Variants in VPS37A observed in about 807,000 individuals in gnomAD.
The protein encoded by VPS37A is vacuolar protein sorting-associated protein 37A.
In VPS37A, 30 loss-of-function variants were observed where a neutral mutation model predicts 49.8. That is an observed-to-expected ratio of 0.60 (90% CI 0.45 to 0.82). The LOEUF is 0.82. Among genes scored for constraint, VPS37A ranks in the 40% least tolerant of loss-of-function variants. VPS37A has a pLI of 0.00. For synonymous variants in VPS37A, 195 were observed against 160.6 expected (o/e 1.21, Z -1.62); for missense variants, 593 against 464.4 (o/e 1.28, Z -2.55).
In VPS37A at chr8:17,280,189, GA is replaced by G. The variant is rs777844627; in HGVS notation, c.841+41del. On this transcript the variant is annotated intron_variant, in intron 7 of 11. Coordinates refer to ENST00000324849, the MANE Select transcript of VPS37A (RefSeq NM_152415.3). ...TCCCTCTCCTGAGCGCACATTTCCT[GA>G]AAAAAATCTCATCTTTACCTAGAAG... 1.1e-5 allele frequency: 18 copies of G among 1,608,754 alleles called. No homozygotes were observed. The African/African-American group carries it at 2.1e-4, about 19-fold the overall frequency.
intron 1 of VPS37A, among the ~76,000 whole-genome samples, chr8:17,265,529 A>T (rs902025092): frequency 2.0e-5 from 3 of 152,222 alleles, no homozygotes; most frequent in Non-Finnish European, 4.4e-5. Context: ...CCAGCTGCCG[A>T]TATTGCTTAA....
intron 9 of VPS37A, among the ~76,000 whole-genome samples, chr8:17,282,453 A>C (rs1308934320): frequency 6.6e-6 from 1 of 152,136 alleles, no homozygotes; most frequent in Non-Finnish European, 1.5e-5. Flanking sequence ...TTAGCATAAT[A>C]AAACAGATAT....
chr8:17,255,545 G>A (rs1294675619), intron 1 of VPS37A, among the ~76,000 whole-genome samples: 1 of 152,044 alleles, frequency 6.6e-6, no homozygotes, highest in Non-Finnish European at 1.5e-5. Flanking sequence ...TAAACTAAGT[G>A]ATAAATTATT....
Position 17,297,556 on chromosome 8 carries a change from C to CTATT in VPS37A, c.*2576_*2579dup, listed in dbSNP as rs79803290. On this transcript the variant is annotated 3_prime_UTR_variant, in exon 12 of 12. Transcript: ENST00000324849. Reference sequence around the variant, plus strand: ...GCTGGGTCATGGTCAAAATTCTTACCTATTTATTTCATATCAACTTTAAAA... The same window carrying CTATT: ...GCTGGGTCATGGTCAAAATTCTTACCTATTTATTTATTTCATATCAACTTTAAAA... The CTATT allele has an allele frequency of 7.9e-5, 12 of 151,690 alleles. No homozygotes were observed. Among genetic ancestry groups the CTATT allele is most frequent in the African/African-American group, 1.2e-4 (5 of 41,388 alleles). The allele number at this position is 151,690 out of a possible 1,614,324, so 9.4% of individuals were successfully genotyped here.
chr8:17,262,098 G>C (rs1032674400), intron 1 of VPS37A, among the ~76,000 whole-genome samples: 2 of 152,054 alleles, frequency 1.3e-5, no homozygotes, highest in Admixed American at 6.5e-5. Context: ...TTGTATGCTT[G>C]ATGCTGGGAA....
chr8:17,328,777 A>G, the VPS37A span, among the ~76,000 whole-genome samples: 2 of 152,216 alleles, frequency 1.3e-5, no homozygotes, highest in Non-Finnish European at 2.9e-5. Flanking sequence ...GCCAGTATCT[A>G]TATTATCAAA....
At chr8:17,322,598 T>C in the VPS37A span, among the ~76,000 whole-genome samples, 9 of 152,108 alleles carry the variant, frequency 5.9e-5, no homozygotes, top group South Asian at 2.1e-4. Flanking sequence ...GGCAGTAGGA[T>C]TGCTTGAGCC....
chr8:17,278,048 C>T (rs867484745), intron 6 of VPS37A, among the ~76,000 whole-genome samples: 3 of 152,058 alleles, frequency 2.0e-5, no homozygotes, highest in Middle Eastern at 3.4e-3. Flanking sequence ...TAAAATTTTC[C>T]ATATCCTGTT....
chr8:17,297,193 T>C lies in VPS37A; in HGVS notation c.*2207T>C, dbSNP rs1022658667. On this transcript the variant is annotated 3_prime_UTR_variant, in exon 12 of 12. Coordinates refer to ENST00000324849, the MANE Select transcript of VPS37A (RefSeq NM_152415.3). ...AGAATTAAAGAGGAATACTTAGGAG[T>C]TACTAGGCTAATCAGTGTACGAATT... The C allele has an allele frequency of 2.0e-5, 3 of 152,070 alleles. No individual in the cohort carries two copies. Among genetic ancestry groups the C allele is most frequent in the African/African-American group, 7.2e-5 (3 of 41,430 alleles). The allele number at this position is 152,070 out of a possible 1,614,324, so 9.4% of individuals were successfully genotyped here.
intron 1 of VPS37A, among the ~76,000 whole-genome samples, chr8:17,260,568 G>A (rs577330779): frequency 6.6e-6 from 1 of 152,166 alleles, no homozygotes; most frequent in Non-Finnish European, 1.5e-5. Flanking sequence ...GCCTCCAGAT[G>A]TTTTCTCTTT....
In VPS37A at chr8:17,282,516, T is replaced by C. The variant is rs1407386194; in HGVS notation, c.970-1957T>C. Among the ~76,000 whole-genome samples, 2 of 152,026 alleles carry C rather than the reference T, an allele frequency of 1.3e-5. 1 individual carries two copies. The highest frequency in any genetic ancestry group is 3.8e-4 in the East Asian group (2 of 5,196). On this transcript the variant is annotated intron_variant, in intron 9 of 11. Transcript: ENST00000324849. ...TACCTCTACAGATTGAAAACTCAGA[T>C]ATATTAAAAAATCATGAAATCAAAA...
chr8:17,328,854 C>A, the VPS37A span, among the ~76,000 whole-genome samples: 1 of 152,190 alleles, frequency 6.6e-6, no homozygotes, highest in South Asian at 2.1e-4. Context: ...TGAAAGGCAT[C>A]ATTTTCTCTC....
chr8:17,320,194 G>C, the VPS37A span, among the ~76,000 whole-genome samples: 1 of 152,006 alleles, frequency 6.6e-6, no homozygotes, highest in South Asian at 2.1e-4. Flanking sequence ...CCACCAGAAA[G>C]TTTAAAATTC....
chr8:17,259,038 A>G (rs1812742257), intron 1 of VPS37A, among the ~76,000 whole-genome samples: 1 of 151,976 alleles, frequency 6.6e-6, no homozygotes, highest in Non-Finnish European at 1.5e-5. Flanking sequence ...ATCTTTTCAA[A>G]TAACCAACTT....
At chr8:17,317,568 C>G in the VPS37A span, among the ~76,000 whole-genome samples, 1 of 152,176 alleles carries the variant, frequency 6.6e-6, no homozygotes, top group African/African-American at 2.4e-5. Context: ...GAAAGGTTGA[C>G]TTTCCAGAAA....
chr8:17,284,841 A>G (rs1815436151), intron 10 of VPS37A, among the ~76,000 whole-genome samples: 1 of 152,156 alleles, frequency 6.6e-6, no homozygotes, highest in Non-Finnish European at 1.5e-5. Context: ...AGGACTCTGG[A>G]CAGCCACACA....
chr8:17,319,247 TAAAATGGGGATAAAAACACCTTCCTC>T, the VPS37A span, among the ~76,000 whole-genome samples: 1 of 152,150 alleles, frequency 6.6e-6, no homozygotes, highest in African/African-American at 2.4e-5. Context: ...TCTTCAAATA[TAAAATGGGGATAAAAACACCTTCCTC>T]AAACAGTTGT....
the VPS37A span, among the ~76,000 whole-genome samples, chr8:17,328,497 A>G: frequency 6.6e-6 from 1 of 152,142 alleles, no homozygotes; most frequent in Non-Finnish European, 1.5e-5. Context: ...GTTCTCACTT[A>G]AAAGTGGGAG....
chr8:17,304,449 A>T, downstream of VPS37A: 1 of 1,614,104 alleles, frequency 6.2e-7, no homozygotes, highest in South Asian at 1.1e-5. Context: ...TCAGCTCTAA[A>T]CAGAGGATTC....
Sources: allele counts gnomAD v4.1 joint callset (sites outside exome capture counted in the v4.1 genomes callset), GRCh38; gene constraint gnomAD v4.1.1; transcripts MANE v1.5; gene names NCBI Gene and HGNC (gene_info 2026-07-23, HGNC 2026-07-21).